Variants in STN1 observed in about 807,000 individuals in gnomAD.
STN1 encodes CST complex subunit STN1.
Under a neutral mutation model 45.5 loss-of-function variants are expected in STN1, and 29 were observed. That is an observed-to-expected ratio of 0.64 (90% CI 0.47 to 0.87). The LOEUF is 0.87. STN1 is among the 40% of genes least tolerant of loss of function. STN1 has a pLI of 0.00. For synonymous variants in STN1, 148 were observed against 159.0 expected (o/e 0.93, Z 0.52); for missense variants, 376 against 441.4 (o/e 0.85, Z 1.33).
intron 2 of STN1, among the ~76,000 whole-genome samples, chr10:103,914,361 TATA>T (rs1275030064): frequency 0.02 from 713 of 34,792 alleles, 47 homozygotes; most frequent in African/African-American, 0.033. Flanking sequence ...TATATATATA[TATA>T]TATATATATA....
chr10:103,883,046 T>C (rs1309794683), intron 9 of STN1, among the ~76,000 whole-genome samples: 2 of 152,248 alleles, frequency 1.3e-5, no homozygotes, highest in Non-Finnish European at 2.9e-5. Context: ...CACGGCGACA[T>C]GGAGCCACTG....
At chr10:103,896,759 C>T (rs180672620) in intron 7 of STN1, among the ~76,000 whole-genome samples, 1 of 152,160 alleles carries the variant, frequency 6.6e-6, no homozygotes, top group Non-Finnish European at 1.5e-5. Flanking sequence ...TGGTCTTGAA[C>T]TCCTGGCCTC....
At chr10:103,910,753 G>C in intron 2 of STN1, 131 bp from the exon 3 acceptor site, 1 of 570,362 alleles carries the variant, frequency 1.8e-6, no homozygotes, top group Non-Finnish European at 3.2e-6. Context: ...CTAGACTTAA[G>C]AATCAGTCCT....
chr10:103,885,720 TA>T (rs1243064446), intron 9 of STN1, among the ~76,000 whole-genome samples: 2 of 152,078 alleles, frequency 1.3e-5, no homozygotes, highest in African/African-American at 4.8e-5. Flanking sequence ...GAAATTATTA[TA>T]AAACAGTAAA....
rs1420779286 is a variant in STN1, at chr10:103,914,359, TATATATA to T, written c.133+3096_133+3102del. 1.5e-3 allele frequency among the ~76,000 whole-genome samples: 64 copies of T among 42,506 alleles called. 1 individual carries two copies. Among genetic ancestry groups the T allele is most frequent in the African/African-American group, 4.6e-3 (51 of 11,120 alleles). The allele number at this position is 42,506 out of a possible 152,430, so 27.9% of individuals were successfully genotyped here. Reference sequence around the variant, plus strand: ...ACATATATATATATATATATATATATATATATATATATATATTTTTTTTTTTTTTTTT... The same window carrying T: ...ACATATATATATATATATATATATATTATATATATTTTTTTTTTTTTTTTT... On this transcript the variant is annotated intron_variant, in intron 2 of 9. Transcript: ENST00000224950.
intron 2 of STN1, among the ~76,000 whole-genome samples, chr10:103,910,826 C>T (rs774398254): frequency 1.3e-5 from 2 of 152,122 alleles, no homozygotes; most frequent in African/African-American, 2.4e-5. Flanking sequence ...AAGTAGAAAG[C>T]TTGGCATTAA....
rs1036076713 is a variant in STN1, at chr10:103,881,587, C to T, written c.*1097G>A. On this transcript the variant is annotated 3_prime_UTR_variant, in exon 10 of 10. Transcript: ENST00000224950. Reference sequence around the variant, plus strand: ...CTGCGTATAAAGACTGTCCTGTTTCCACGGAGAGAGGAGCAACTCTCCAGG... The same window carrying T: ...CTGCGTATAAAGACTGTCCTGTTTCTACGGAGAGAGGAGCAACTCTCCAGG... Among the ~76,000 whole-genome samples, 1 of 152,190 alleles carries T rather than the reference C, an allele frequency of 6.6e-6. No homozygotes were observed. The highest frequency in any genetic ancestry group is 1.5e-5 in the Non-Finnish European group (1 of 68,038).
chr10:103,883,906 A>G (rs771024480), intron 9 of STN1, among the ~76,000 whole-genome samples: 2 of 151,926 alleles, frequency 1.3e-5, no homozygotes, highest in African/African-American at 4.8e-5. Flanking sequence ...CCTGGCCAAC[A>G]TGGTGAAACC....
At position 103,882,691 on chromosome 10, in the gene STN1, G is replaced by A. The variant is rs140449924; in HGVS notation, c.1100C>T (p.Ala367Val). The change falls in exon 10 of 10, where the codon GCG (alanine) becomes GTG (valine). Residue 367 changes from alanine (A) to valine (V), a missense_variant. By Grantham distance (64) the Ala-to-Val change is moderately conservative. Transcript: ENST00000224950. Reference protein sequence around the residue: ...IVSTMEHYYTAF With the variant: ...IVSTMEHYYTVF ...TGGTCTGCGTGTCTCTGCTCAGAAC[G>A]CTGTGTAGTAGTGCTCCATTGTGCT... The A allele has an allele frequency of 5.0e-4, 813 of 1,610,356 alleles. No homozygotes were observed. Among genetic ancestry groups the A allele is most frequent in the Middle Eastern group, 1.3e-3 (8 of 6,072 alleles).
At chr10:103,917,363 G>T in intron 2 of STN1, 99 bp downstream of exon 2, 1 of 1,149,338 alleles carries the variant, frequency 8.7e-7, no homozygotes, top group Admixed American at 2.6e-5. Context: ...GCCTGCAGCA[G>T]GGAAGGCTCT....
rs114260265 is a variant in STN1, at chr10:103,881,811, A to T, written c.*873T>A. ...TCAGATGTTTTTCCTTTACCTTGTC[A>T]TTCTGAGCAAAAGCATGACTCCATC... On this transcript the variant is annotated 3_prime_UTR_variant, in exon 10 of 10. Transcript: ENST00000224950. 3.7e-4 allele frequency among the ~76,000 whole-genome samples: 57 copies of T among 152,250 alleles called. No homozygotes were observed. Among genetic ancestry groups the T allele is most frequent in the African/African-American group, 1.3e-3 (55 of 41,534 alleles).
chr10:103,895,939 G>T (rs1186395256), intron 7 of STN1, among the ~76,000 whole-genome samples: 1 of 152,164 alleles, frequency 6.6e-6, no homozygotes, highest in African/African-American at 2.4e-5. Flanking sequence ...TGAGACATAC[G>T]TCAATGAAAA....
At chr10:103,883,466 T>C (rs1843084137) in intron 9 of STN1, among the ~76,000 whole-genome samples, 1 of 152,068 alleles carries the variant, frequency 6.6e-6, no homozygotes, top group African/African-American at 2.4e-5. Flanking sequence ...TCTTTCCTAG[T>C]TGAAATCAAT....
intron 2 of STN1, among the ~76,000 whole-genome samples, chr10:103,916,252 A>C (rs1210419830): frequency 6.6e-6 from 1 of 152,258 alleles, no homozygotes. Flanking sequence ...GGTAGAGTTA[A>C]GCCCCTGTCA....
At chr10:103,905,496 T>G (rs1432593053) in intron 3 of STN1, among the ~76,000 whole-genome samples, 2 of 152,210 alleles carry the variant, frequency 1.3e-5, no homozygotes, top group Non-Finnish European at 2.9e-5. Flanking sequence ...GGAAGTTAAG[T>G]GCAAAAACTG....
At chr10:103,900,878 T>C (rs1843205950) in intron 4 of STN1, among the ~76,000 whole-genome samples, 1 of 152,248 alleles carries the variant, frequency 6.6e-6, no homozygotes, top group African/African-American at 2.4e-5. Flanking sequence ...TTGTATTAGT[T>C]AAGTAAGAAG....
rs960164157 is a variant in STN1 at position 103,881,589 on chromosome 10, C to T, written c.*1095G>A. On this transcript the variant is annotated 3_prime_UTR_variant, in exon 10 of 10. Coordinates refer to ENST00000224950, the MANE Select transcript of STN1 (RefSeq NM_024928.5). ...GCGTATAAAGACTGTCCTGTTTCCACGGAGAGAGGAGCAACTCTCCAGGCC... is the reference window on the plus strand; with the variant it reads ...GCGTATAAAGACTGTCCTGTTTCCATGGAGAGAGGAGCAACTCTCCAGGCC... Among the ~76,000 whole-genome samples, 2 of 152,228 alleles carry T rather than the reference C, an allele frequency of 1.3e-5. No individual in the cohort carries two copies. Among genetic ancestry groups the T allele is most frequent in the Non-Finnish European group, 1.5e-5 (1 of 68,040 alleles).
intron 6 of STN1, 140 bp downstream of exon 6, chr10:103,898,737 G>T (rs1329751363): frequency 7.0e-6 from 6 of 851,878 alleles, no homozygotes; most frequent in Non-Finnish European, 1.1e-5. Flanking sequence ...CATAGAGAGG[G>T]TTAGAGGGCT....
At chr10:103,892,387 T>G in intron 7 of STN1, 135 bp from the exon 8 acceptor site, 1 of 729,984 alleles carries the variant, frequency 1.4e-6, no homozygotes, top group Non-Finnish European at 2.1e-6. Context: ...GATCCTGGTA[T>G]GTACCGGCCT....
Sources: gnomAD v4.1 joint callset for allele counts (sites outside exome capture counted in the v4.1 genomes callset) on GRCh38, gnomAD v4.1.1 for gene constraint, MANE v1.5 for transcripts, NCBI Gene and HGNC (gene_info 2026-07-23, HGNC 2026-07-21) for gene names.